WASHC2C: variants seen among roughly 807,000 people sequenced by gnomAD.
WASHC2C encodes Vaccinia Penetration Factor.
Under a neutral mutation model 142.2 loss-of-function variants are expected in WASHC2C, and 73 were observed. That is an observed-to-expected ratio of 0.51 (90% CI 0.43 to 0.62). The LOEUF is 0.62. Among genes scored for constraint, WASHC2C ranks in the 20% least tolerant of loss-of-function variants. The probability of loss-of-function intolerance (pLI) is 0.00; values close to 1 mark genes in which losing one functional copy is unlikely to be tolerated. For missense variants in WASHC2C, 969 were observed against 1,531.7 expected (o/e 0.63, Z 6.13); for synonymous variants, 337 against 565.5 (o/e 0.60, Z 5.73).
intron 4 of WASHC2C, among the ~76,000 whole-genome samples, chr10:45,739,841 T>C (rs1193356231): frequency 6.6e-6 from 1 of 151,628 alleles, no homozygotes; most frequent in Non-Finnish European, 1.5e-5. Context: ...ACCCTTGAGC[T>C]CTGGAACCTT....
At chr10:45,785,910 T>C in intron 26 of WASHC2C, 1 of 430,502 alleles carries the variant, frequency 2.3e-6, no homozygotes, top group Non-Finnish European at 4.2e-6. Context: ...AGAATCTTCT[T>C]CCCACTAAAG....
chr10:45,770,771 C>T (rs1554884322), intron 20 of WASHC2C, among the ~76,000 whole-genome samples: 1 of 152,166 alleles, frequency 6.6e-6, no homozygotes, highest in Non-Finnish European at 1.5e-5. Flanking sequence ...TCTGATTCTG[C>T]CAGTTCCTGT....
rs1351111267 is a variant in WASHC2C at position 45,750,854 on chromosome 10, G to A, written c.931+16G>A. The A allele has an allele frequency of 8.4e-6, 13 of 1,546,758 alleles. No individual in the cohort carries two copies. In the African/African-American group the frequency reaches 1.3e-4, roughly 15 times the overall value. On this transcript the variant is annotated intron_variant, in intron 10 of 30. Transcript: ENST00000623400. ...GAGCCGACAAGTGAGCCCCAGCCAC[G>A]TTGATGGGGAGTAGGGGAGGAGTAG...
intron 3 of WASHC2C, among the ~76,000 whole-genome samples, chr10:45,734,673 C>T (rs2051004652): frequency 1.3e-5 from 2 of 151,250 alleles, no homozygotes; most frequent in African/African-American, 4.9e-5. Flanking sequence ...CCATATTCGT[C>T]CTTAACTCTA....
chr10:45,785,947 T>C (rs2058011159), intron 26 of WASHC2C: 3 of 354,368 alleles, frequency 8.5e-6, no homozygotes, highest in Non-Finnish European at 1.6e-5. Context: ...TGGATTTCCT[T>C]GGAATAGAAT....
chr10:45,759,344 G>A lies in WASHC2C; in HGVS notation c.1578G>A (p.Lys526=), dbSNP rs371552757. ...KVTLSYSKNL[K]PSSETKTQKG... is the part of the protein sequence containing the mutation. Reference sequence around the variant, plus strand: ...CCTTATCTTACAGCAAAAATCTCAAGCCCTCATCAGAAACAAAGACTCAAA... The same window carrying A: ...CCTTATCTTACAGCAAAAATCTCAAACCCTCATCAGAAACAAAGACTCAAA... Residue 526 remains lysine (K), a synonymous_variant, in exon 17 of 31, where the codon AAG becomes AAA. Coordinates refer to ENST00000623400, the MANE Select transcript of WASHC2C (RefSeq NM_001330074.2). 19 of 1,188,328 alleles carry A rather than the reference G, an allele frequency of 1.6e-5. 4 individuals carry two copies. In the African/African-American group the frequency reaches 4.7e-4, roughly 29 times the overall value. 73.6% of individuals were successfully genotyped at this position (1,188,328 alleles called of 1,614,324 possible).
intron 20 of WASHC2C, among the ~76,000 whole-genome samples, chr10:45,773,033 C>G (rs2056739612): frequency 6.8e-6 from 1 of 146,676 alleles, no homozygotes; most frequent in Admixed American, 6.9e-5. Context: ...AAGGGGCAAC[C>G]TGAGGCAGGA....
chr10:45,753,835 T>G (rs2053903054), intron 13 of WASHC2C, among the ~76,000 whole-genome samples: 1 of 151,824 alleles, frequency 6.6e-6, no homozygotes, highest in Admixed American at 6.6e-5. Context: ...GTTTTTTTTT[T>G]TTTTCTTTTT....
chr10:45,781,170 G>C (rs1485411361), intron 23 of WASHC2C, among the ~76,000 whole-genome samples: 1 of 151,980 alleles, frequency 6.6e-6, no homozygotes, highest in Non-Finnish European at 1.5e-5. Context: ...AGCAAAAGAA[G>C]TACAAGACTT....
At chr10:45,736,405 C>CAAAAA (rs71520974) in intron 3 of WASHC2C, among the ~76,000 whole-genome samples, 28 of 24,566 alleles carry the variant, frequency 1.1e-3, no homozygotes, top group Admixed American at 3.4e-3. Flanking sequence ...GACTCCATCT[C>CAAAAA]AAAAAAAAAA....
intron 23 of WASHC2C, among the ~76,000 whole-genome samples, chr10:45,779,961 G>A (rs2057369523): frequency 2.0e-5 from 3 of 149,344 alleles, no homozygotes; most frequent in Non-Finnish European, 3.0e-5. Flanking sequence ...CTCCAGTGTG[G>A]CAACAGAACG....
At position 45,792,466 on chromosome 10, in the gene WASHC2C, G is replaced by A. The variant is rs1347480265; in HGVS notation, c.*66G>A. 15 of 1,557,696 alleles carry A rather than the reference G, an allele frequency of 9.6e-6. 2 individuals are homozygous for A. Among genetic ancestry groups the A allele is most frequent in the Non-Finnish European group, 1.3e-5 (15 of 1,142,174 alleles). ...TTGAGTTAGTGATGATATTGTATAT[G>A]CTCATGGTCTTAACTGGATTACAAA... is the stretch of plus-strand genomic sequence containing the variant. On this transcript the variant is annotated 3_prime_UTR_variant, in exon 31 of 31. Coordinates refer to ENST00000623400, the MANE Select transcript of WASHC2C (RefSeq NM_001330074.2).
In WASHC2C at chr10:45,748,973, C is replaced by T. The variant is rs117423270; in HGVS notation, c.733-1123C>T. Among the ~76,000 whole-genome samples the T allele has an allele frequency of 3.6e-3, 554 of 152,232 alleles. 12 individuals are homozygous for T. In the East Asian group the frequency reaches 0.049, roughly 13 times the overall value. ...AATGCTGTAGTGTTTGCAGAGGGGGCGGGGCTTGGTATCATCCTGGATTTG... is the reference window on the plus strand; with the variant it reads ...AATGCTGTAGTGTTTGCAGAGGGGGTGGGGCTTGGTATCATCCTGGATTTG... On this transcript the variant is annotated intron_variant, in intron 8 of 30. Coordinates refer to ENST00000623400, the MANE Select transcript of WASHC2C (RefSeq NM_001330074.2).
rs1255740204 is a variant in WASHC2C, at chr10:45,759,025, T to G, written c.1549-290T>G. Among the ~76,000 whole-genome samples the G allele has an allele frequency of 5.7e-4, 85 of 147,932 alleles. No individual in the cohort carries two copies. In the East Asian group the frequency reaches 0.014, roughly 24 times the overall value. ...CCTAAGGCCCAGCATTCAGAACCTG[T>G]CAGGCCCGTCAGGCAGCCTGTCTTT... On this transcript the variant is annotated intron_variant, in intron 16 of 30. Transcript: ENST00000623400.
intron 5 of WASHC2C, among the ~76,000 whole-genome samples, chr10:45,741,160 C>T (rs1438870052): frequency 3.2e-4 from 49 of 152,220 alleles, no homozygotes; most frequent in African/African-American, 1.2e-3. Flanking sequence ...GTTGGCCAGG[C>T]TGGTCTCGAA....
chr10:45,736,897 C>T (rs1204539550), intron 3 of WASHC2C, among the ~76,000 whole-genome samples: 4 of 152,012 alleles, frequency 2.6e-5, no homozygotes, highest in African/African-American at 9.7e-5. Context: ...TTTATAATCA[C>T]GGCCACTGTC....
intron 3 of WASHC2C, among the ~76,000 whole-genome samples, chr10:45,731,840 G>C (rs2597053): frequency 7.0e-6 from 1 of 142,256 alleles, no homozygotes; most frequent in Non-Finnish European, 1.5e-5. Context: ...TGTCGCCCAG[G>C]CTGGAGTGCA....
intron 17 of WASHC2C, among the ~76,000 whole-genome samples, chr10:45,761,828 T>C (rs534213660): frequency 6.6e-6 from 1 of 152,340 alleles, no homozygotes; most frequent in African/African-American, 2.4e-5. Context: ...GAACCCTTTC[T>C]CTTGCCATTG....
intron 3 of WASHC2C, among the ~76,000 whole-genome samples, chr10:45,736,041 G>T (rs4474386): frequency 1.3e-5 from 2 of 151,560 alleles, no homozygotes; most frequent in African/African-American, 4.9e-5. Flanking sequence ...GGCCAAGGCC[G>T]ATGGATCACT....
Sources: allele counts gnomAD v4.1 joint callset (sites outside exome capture counted in the v4.1 genomes callset), GRCh38; gene constraint gnomAD v4.1.1; transcripts MANE v1.5; gene names NCBI Gene and HGNC (gene_info 2026-07-23, HGNC 2026-07-21).